Variants in SEMA5A observed in about 807,000 individuals in gnomAD.
SEMA5A encodes the protein semaphorin-5A.
In SEMA5A, 55 loss-of-function variants were observed where a neutral mutation model predicts 135.5. The ratio of observed to expected loss-of-function variants is 0.41; its 90% CI spans 0.33 to 0.51. SEMA5A has a LOEUF of 0.51. Ranked by LOEUF, SEMA5A falls within the 20% of genes least tolerant of loss-of-function variation. SEMA5A has a pLI of 0.37. For missense variants in SEMA5A, 1,290 were observed against 1,419.9 expected (o/e 0.91, Z 1.47); for synonymous variants, 580 against 546.5 (o/e 1.06, Z -0.85).
At chr5:9,520,137 C>T (rs1331527227) in intron 1 of SEMA5A, among the ~76,000 whole-genome samples, 1 of 152,200 alleles carries the variant, frequency 6.6e-6, no homozygotes, top group African/African-American at 2.4e-5. Flanking sequence ...CAAATTGTAA[C>T]CTCAGAGGTA....
At chr5:9,080,265 G>A (rs1738302776) in intron 16 of SEMA5A, among the ~76,000 whole-genome samples, 1 of 152,114 alleles carries the variant, frequency 6.6e-6, no homozygotes, top group East Asian at 1.9e-4. Flanking sequence ...GGATAAAGCT[G>A]GAAACCATCA....
intron 1 of SEMA5A, among the ~76,000 whole-genome samples, chr5:9,494,332 A>T (rs1319996495): frequency 6.6e-6 from 1 of 152,178 alleles, no homozygotes; most frequent in Admixed American, 6.5e-5. Flanking sequence ...TCCATTCAAA[A>T]ATTGAGTAGG....
At chr5:9,084,895 T>C (rs1477322084) in intron 16 of SEMA5A, among the ~76,000 whole-genome samples, 2 of 152,164 alleles carry the variant, frequency 1.3e-5, no homozygotes, top group Non-Finnish European at 2.9e-5. Flanking sequence ...TTGCCCAAAA[T>C]GCTGATAGCG....
At chr5:9,165,082 C>T (rs1028224626) in intron 11 of SEMA5A, among the ~76,000 whole-genome samples, 26 of 152,202 alleles carry the variant, frequency 1.7e-4, no homozygotes, top group African/African-American at 5.8e-4. Context: ...CTGTGTCTCA[C>T]GTGTATAATG....
chr5:9,353,094 G>GAAAGGA (rs199823276), intron 3 of SEMA5A, among the ~76,000 whole-genome samples: 3 of 37,322 alleles, frequency 8.0e-5, no homozygotes, highest in African/African-American at 2.4e-4. Context: ...GAAAGGAAAG[G>GAAAGGA]AAGGAAGGAA....
chr5:9,441,761 G>A (rs978202614), intron 1 of SEMA5A, among the ~76,000 whole-genome samples: 3 of 152,178 alleles, frequency 2.0e-5, no homozygotes, highest in Non-Finnish European at 4.4e-5. Flanking sequence ...GCAGCAGCAT[G>A]TGCCACGATG....
At chr5:9,289,772 T>G (rs565871749) in intron 5 of SEMA5A, among the ~76,000 whole-genome samples, 93 of 152,338 alleles carry the variant, frequency 6.1e-4, no homozygotes, top group Non-Finnish European at 5.9e-5. Context: ...TTGTTGAAAT[T>G]TGCCAAGCAC....
chr5:9,245,965 T>C (rs1188418567), intron 5 of SEMA5A, among the ~76,000 whole-genome samples: 1 of 151,828 alleles, frequency 6.6e-6, no homozygotes, highest in Non-Finnish European at 1.5e-5. Flanking sequence ...CCTGCTGGGA[T>C]GATCTTTTGA....
At chr5:9,434,009 C>A (rs577820554) in intron 2 of SEMA5A, among the ~76,000 whole-genome samples, 154 of 152,258 alleles carry the variant, frequency 1.0e-3, no homozygotes, top group African/African-American at 3.7e-3. Context: ...AATACAGTGA[C>A]CTGCTCAAAA....
chr5:9,544,633 G>A (rs1738278763), intron 1 of SEMA5A, among the ~76,000 whole-genome samples: 1 of 152,184 alleles, frequency 6.6e-6, no homozygotes. Flanking sequence ...TCCTCCGAGC[G>A]CTCGCTCGCA....
chr5:9,176,175 A>C (rs1260854565), intron 11 of SEMA5A, among the ~76,000 whole-genome samples: 1 of 152,204 alleles, frequency 6.6e-6, no homozygotes, highest in African/African-American at 2.4e-5. Context: ...AAAAACCCTA[A>C]AGGGAAGACT....
intron 1 of SEMA5A, among the ~76,000 whole-genome samples, chr5:9,492,815 T>TCATGGAGA: frequency 6.6e-6 from 1 of 151,944 alleles, no homozygotes; most frequent in Admixed American, 6.6e-5. Flanking sequence ...CTAGAAAGGG[T>TCATGGAGA]CAGACCATGG....
intron 5 of SEMA5A, among the ~76,000 whole-genome samples, chr5:9,302,563 G>T (rs750445926): frequency 2.6e-5 from 4 of 152,166 alleles, no homozygotes; most frequent in Admixed American, 6.5e-5. Flanking sequence ...TTATGCTCAT[G>T]AACCTGGATA....
Position 9,149,407 on chromosome 5 carries a change from G to A in SEMA5A, c.1481+5081C>T, listed in dbSNP as rs866971127. On this transcript the variant is annotated intron_variant, in intron 12 of 22. Coordinates refer to ENST00000382496, the MANE Select transcript of SEMA5A (RefSeq NM_003966.3). ...GCCTGTAATCTCAGCAATTTGGGAG[G>A]CTGAGGTGGGTGGATCACCTGAGAT... Among the ~76,000 whole-genome samples, 4 of 152,300 alleles carry A rather than the reference G, an allele frequency of 2.6e-5. No homozygotes were observed. The South Asian group carries it at 8.3e-4, about 32-fold the overall frequency.
At position 9,305,708 on chromosome 5, in the gene SEMA5A, G is replaced by GTGTATATATATATATATATATATATA. The variant is rs1554017498; in HGVS notation, c.270+12663_270+12664insTATATATATATATATATATATATACA. ...CAGTATATATACTGTGTGTGTGTGC[G>GTGTATATATATATATATATATATATA]TATATATATATATATATATTTACAC... On this transcript the variant is annotated intron_variant, in intron 5 of 22. Transcript: ENST00000382496. Among the ~76,000 whole-genome samples, 195 of 139,146 alleles carry GTGTATATATATATATATATATATATA rather than the reference G, an allele frequency of 1.4e-3. 4 individuals are homozygous for GTGTATATATATATATATATATATATA. Among genetic ancestry groups the GTGTATATATATATATATATATATATA allele is most frequent in the Non-Finnish European group, 2.1e-3 (136 of 65,128 alleles). The allele number at this position is 139,146 out of a possible 152,430, so 91.3% of individuals were successfully genotyped here.
chr5:9,330,452 TG>T (rs1426465943), intron 4 of SEMA5A, among the ~76,000 whole-genome samples: 3 of 151,620 alleles, frequency 2.0e-5, no homozygotes, highest in African/African-American at 4.8e-5. Flanking sequence ...TGTTTTGTTT[TG>T]TTTTTTTACA....
intron 15 of SEMA5A, among the ~76,000 whole-genome samples, chr5:9,113,818 G>C (rs1674130411): frequency 6.6e-6 from 1 of 152,164 alleles, no homozygotes; most frequent in Non-Finnish European, 1.5e-5. Flanking sequence ...AGAATGCAGA[G>C]AAATTGGAAC....
At chr5:9,319,382 G>A (rs1752526975) in intron 4 of SEMA5A, among the ~76,000 whole-genome samples, 1 of 152,038 alleles carries the variant, frequency 6.6e-6, no homozygotes, top group African/African-American at 2.4e-5. Flanking sequence ...TTAGAGAAAA[G>A]TAAAATATCA....
chr5:9,361,920 CA>C (rs1219276326), intron 3 of SEMA5A, among the ~76,000 whole-genome samples: 1 of 152,170 alleles, frequency 6.6e-6, no homozygotes, highest in Non-Finnish European at 1.5e-5. Flanking sequence ...AGAACACTGC[CA>C]TGGGCATGAA....
Sources: allele counts gnomAD v4.1 joint callset (sites outside exome capture counted in the v4.1 genomes callset), GRCh38; gene constraint gnomAD v4.1.1; transcripts MANE v1.5; gene names NCBI Gene and HGNC (gene_info 2026-07-23, HGNC 2026-07-21).